Variants in NF2 observed in about 807,000 individuals in gnomAD.
NF2 encodes NF2, moesin-ezrin-radixin like (MERLIN) tumor suppressor, also known as merlin.
A neutral mutation model predicts 83.7 loss-of-function variants in NF2; 8 were observed. The observed-to-expected ratio is 0.10, with a 90% confidence interval of 0.06 to 0.17. The LOEUF (loss-of-function observed/expected upper bound fraction) is 0.17, where lower values mean the gene tolerates loss of function less well. NF2 is among the 10% of genes least tolerant of loss of function. The pLI is 1.00. For synonymous variants in NF2, 266 were observed against 269.6 expected, an observed-to-expected ratio of 0.99 and a Z score of 0.13; for missense variants, 533 against 744.4, an observed-to-expected ratio of 0.72 and a Z score of 3.31.
At chr22:29,672,849 A>C in intron 11 of NF2, among the ~76,000 whole-genome samples, 1 of 145,440 alleles carries the variant, frequency 6.9e-6, no homozygotes, top group Non-Finnish European at 1.5e-5. Flanking sequence ...TGAACTCCTG[A>C]CCTCAGGTGA....
At chr22:29,649,793 A>G (rs2066092780) in intron 4 of NF2, among the ~76,000 whole-genome samples, 2 of 151,528 alleles carry the variant, frequency 1.3e-5, no homozygotes, top group African/African-American at 4.9e-5. Flanking sequence ...AAAAAAAAAG[A>G]AAAAATGAGT....
chr22:29,608,675 GAA>G (rs771671779), intron 1 of NF2, among the ~76,000 whole-genome samples: 13 of 115,684 alleles, frequency 1.1e-4, no homozygotes, highest in Admixed American at 1.8e-4. Context: ...TCCCTGCCCT[GAA>G]AAAAAAAAAA....
chr22:29,631,263 G>A (rs1447637432), intron 1 of NF2, among the ~76,000 whole-genome samples: 1 of 152,162 alleles, frequency 6.6e-6, no homozygotes, highest in Non-Finnish European at 1.5e-5. Context: ...CCCTCAGGCT[G>A]GCGTGACCTC....
At chr22:29,643,109 G>A (rs969564956) in intron 4 of NF2, among the ~76,000 whole-genome samples, 2 of 152,002 alleles carry the variant, frequency 1.3e-5, no homozygotes, top group Admixed American at 6.6e-5. Context: ...CAGAATTGGG[G>A]CTCCTTGATT....
intron 13 of NF2, among the ~76,000 whole-genome samples, chr22:29,676,834 C>T (rs1270520144): frequency 2.0e-5 from 3 of 151,242 alleles, no homozygotes; most frequent in Non-Finnish European, 4.4e-5. Context: ...GGTGCAGCAA[C>T]TAGTACGCGT....
At chr22:29,617,647 G>A (rs113477822) in intron 1 of NF2, among the ~76,000 whole-genome samples, 3 of 152,336 alleles carry the variant, frequency 2.0e-5, no homozygotes, top group East Asian at 1.9e-4. Context: ...CAGAGAGGCA[G>A]GATGGTATAG....
chr22:29,664,063 G>A (rs1178874127), intron 8 of NF2, among the ~76,000 whole-genome samples: 1 of 152,166 alleles, frequency 6.6e-6, no homozygotes, highest in Non-Finnish European at 1.5e-5. Flanking sequence ...TTATTCCCAT[G>A]TTCAGAAACC....
At chr22:29,658,013 G>A (rs2066363866) in intron 6 of NF2, among the ~76,000 whole-genome samples, 176 bp from the exon 7 acceptor site, 1 of 152,178 alleles carries the variant, frequency 6.6e-6, no homozygotes, top group Non-Finnish European at 1.5e-5. Context: ...TGACCTCAGT[G>A]TGTTTAATAG....
chr22:29,661,444 C>T (rs2066476074), intron 8 of NF2, 105 bp downstream of exon 8: 4 of 1,508,088 alleles, frequency 2.7e-6, no homozygotes, highest in Non-Finnish European at 3.6e-6. Context: ...TCATAGAGTC[C>T]TTTAATTCCC....
intron 15 of NF2, among the ~76,000 whole-genome samples, chr22:29,690,726 C>T (rs2067381657): frequency 6.6e-6 from 1 of 152,210 alleles, no homozygotes; most frequent in Admixed American, 6.5e-5. Context: ...ACGGCTGATT[C>T]TAATCAGATG....
In NF2 at chr22:29,648,131, A is replaced by AAAATAAATAAATAAAT. The variant is rs56407600; in HGVS notation, c.447+5866_447+5881dup. 5.4e-4 allele frequency among the ~76,000 whole-genome samples: 79 copies of AAAATAAATAAATAAAT among 145,348 alleles called. No homozygotes were observed. In the South Asian group the frequency reaches 7.4e-3, roughly 14 times the overall value. ...GGACGACAGAGTGAGACTCCATCTC[A>AAAATAAATAAATAAAT]AAATAAATAAATAAATAAATAAATA... On this transcript the variant is annotated intron_variant, in intron 4 of 15. Transcript: ENST00000338641.
At chr22:29,644,419 C>T (rs35022623) in intron 4 of NF2, among the ~76,000 whole-genome samples, 9 of 148,910 alleles carry the variant, frequency 6.0e-5, no homozygotes, top group African/African-American at 1.5e-4. Context: ...TGGGCAGAGA[C>T]GCTCCTCACT....
At chr22:29,618,152 C>A (rs928170911) in intron 1 of NF2, among the ~76,000 whole-genome samples, 59 of 152,182 alleles carry the variant, frequency 3.9e-4, no homozygotes, top group African/African-American at 1.4e-3. Context: ...TGTTTGTAAA[C>A]CATGTTCACA....
In NF2 at chr22:29,667,236, C is replaced by CT. The variant is rs1001709301; in HGVS notation, c.886-1086dup. Among the ~76,000 whole-genome samples the CT allele has an allele frequency of 9.5e-3, 1,387 of 146,432 alleles. 17 individuals carry two copies. The highest frequency in any genetic ancestry group is 0.032 in the African/African-American group (1,273 of 40,106). ...AAATGGTATCTCATTATCAAATGAA[C>CT]TTTTTTTTTTTGAGATTTTGAGATA... On this transcript the variant is annotated intron_variant, in intron 9 of 15. Transcript: ENST00000338641.
rs73881591 is a variant in NF2, at chr22:29,673,734, A to G, written c.1340+248A>G. ...CTCTGGTCATACTTGTGTCTCTTTG[A>G]TAAGCCCCTGTCCCTCTGATGGCCG... On this transcript the variant is annotated intron_variant, in intron 12 of 15. Coordinates refer to ENST00000338641, the MANE Select transcript of NF2 (RefSeq NM_000268.4). Among the ~76,000 whole-genome samples, 3,092 of 152,284 alleles carry G rather than the reference A, an allele frequency of 0.02. 103 individuals carry two copies. The highest frequency in any genetic ancestry group is 0.063 in the African/African-American group (2,600 of 41,552).
intron 15 of NF2, chr22:29,683,669 T>G (rs2067206263): frequency 9.3e-7 from 1 of 1,077,878 alleles, no homozygotes; most frequent in African/African-American, 1.6e-5. Context: ...GTGGACTGTC[T>G]GTTCATCTGT....
rs1175326439 is a variant in NF2 at position 29,694,514 on chromosome 22, G to T, written c.1738-238G>T. Among the ~76,000 whole-genome samples, 1 of 152,174 alleles carries T rather than the reference G, an allele frequency of 6.6e-6. No individual in the cohort carries two copies. The highest frequency in any genetic ancestry group is 1.5e-5 in the Non-Finnish European group (1 of 68,036). On this transcript the variant is annotated intron_variant, in intron 15 of 15. Transcript: ENST00000338641. The surrounding 1 kb of genome is among the most constrained non-coding windows in gnomAD (Gnocchi z 4.1). ...ATGCTGACGGCTTTTTCCTGCTGGC[G>T]TGCCTCTGCCCACCAGCCTTCCCCT...
intron 13 of NF2, among the ~76,000 whole-genome samples, chr22:29,676,884 A>G (rs2066979059): frequency 6.6e-6 from 1 of 152,232 alleles, no homozygotes; most frequent in South Asian, 2.1e-4. Flanking sequence ...ATACACATAG[A>G]GAAGTGCCCA....
chr22:29,638,135 C>T (rs1362804984), intron 2 of NF2, among the ~76,000 whole-genome samples: 1 of 152,162 alleles, frequency 6.6e-6, no homozygotes, highest in South Asian at 2.1e-4. Flanking sequence ...TTGAAATTCA[C>T]TCTGGAGAGC....
Sources: gnomAD v4.1 joint callset for allele counts (sites outside exome capture counted in the v4.1 genomes callset) on GRCh38, gnomAD v4.1.1 for gene constraint, Gnocchi (gnomAD v3.1) non-coding constraint, MANE v1.5 for transcripts, NCBI Gene and HGNC (gene_info 2026-07-23, HGNC 2026-07-21) for gene names.